The following NCOR1 variants were observed in gnomAD, a reference collection of about 807,000 sequenced individuals.
NCOR1 encodes the protein nuclear receptor corepressor 1, also known as protein phosphatase 1, regulatory subunit 109.
In NCOR1, 63 loss-of-function variants were observed where a neutral mutation model predicts 288.1. The ratio of observed to expected loss-of-function variants is 0.22; its 90% CI spans 0.18 to 0.27. NCOR1 has a LOEUF of 0.27. NCOR1 is among the 10% of genes least tolerant of loss of function. NCOR1 has a pLI of 1.00. For missense variants in NCOR1, 2,397 were observed against 3,019.2 expected (o/e 0.79, Z 4.83); for synonymous variants, 1,007 against 1,065.9 (o/e 0.94, Z 1.08).
chr17:16,103,306 G>C (rs1430198008), intron 19 of NCOR1, among the ~76,000 whole-genome samples: 2 of 152,100 alleles, frequency 1.3e-5, no homozygotes, highest in Admixed American at 6.5e-5. Flanking sequence ...AATTTCTCTT[G>C]AATCTATCCA....
intron 40 of NCOR1, among the ~76,000 whole-genome samples, chr17:16,055,520 A>G (rs1406856080): frequency 6.6e-6 from 1 of 152,172 alleles, no homozygotes; most frequent in East Asian, 1.9e-4. Context: ...ACTAGGGCCT[A>G]TTGGAGGATG....
chr17:16,067,368 C>A (rs3785628), intron 32 of NCOR1, among the ~76,000 whole-genome samples: 1 of 152,040 alleles, frequency 6.6e-6, no homozygotes, highest in East Asian at 1.9e-4. Context: ...GAATCAGGTG[C>A]GGACTAGACA....
chr17:16,047,430 C>T (rs2058798492), intron 41 of NCOR1, among the ~76,000 whole-genome samples: 1 of 152,120 alleles, frequency 6.6e-6, no homozygotes, highest in Non-Finnish European at 1.5e-5. Flanking sequence ...ACAGCACAAA[C>T]ACTGATATAT....
intron 20 of NCOR1, among the ~76,000 whole-genome samples, chr17:16,100,951 AAC>A (rs2152991397): frequency 6.6e-6 from 1 of 152,346 alleles, no homozygotes; most frequent in Non-Finnish European, 1.5e-5. Context: ...CCTCAGGCAC[AAC>A]AGTTATCTGT....
chr17:16,097,559 C>A (rs2066862719), intron 21 of NCOR1, among the ~76,000 whole-genome samples: 1 of 152,144 alleles, frequency 6.6e-6, no homozygotes, highest in African/African-American at 2.4e-5. Flanking sequence ...AGTTTCCAGG[C>A]TGGTGAACAC....
intron 19 of NCOR1, among the ~76,000 whole-genome samples, chr17:16,106,087 C>T (rs898422330): frequency 4.0e-5 from 6 of 151,848 alleles, no homozygotes; most frequent in Non-Finnish European, 5.9e-5. Flanking sequence ...GCAACAAGCG[C>T]GAGACTCCAT....
At chr17:16,155,130 T>A (rs2079513262) in intron 6 of NCOR1, among the ~76,000 whole-genome samples, 1 of 152,130 alleles carries the variant, frequency 6.6e-6, no homozygotes, top group South Asian at 2.1e-4. Context: ...GGTAGGTGGA[T>A]CACTTGAGTC....
At chr17:16,065,739 G>A (rs1253750537) in intron 32 of NCOR1, 45 bp from the exon 33 acceptor site, 1 of 1,559,254 alleles carries the variant, frequency 6.4e-7, no homozygotes, top group Middle Eastern at 1.7e-4. Context: ...TGTCCTGGCT[G>A]AAATACATTT....
chr17:16,063,797 C>T (rs903847829), intron 35 of NCOR1, among the ~76,000 whole-genome samples: 2 of 152,202 alleles, frequency 1.3e-5, no homozygotes, highest in African/African-American at 4.8e-5. Context: ...CTTGAAAGCT[C>T]TGTGACCAAT....
intron 2 of NCOR1, chr17:16,191,994 T>C (rs1046219099): frequency 6.6e-6 from 1 of 150,828 alleles, no homozygotes; most frequent in Admixed American, 6.7e-5. Flanking sequence ...GCAGGAGGAC[T>C]ACCAGGTTGC....
At chr17:16,065,113 G>T in intron 33 of NCOR1, 94 bp from the exon 34 acceptor site, 2 of 1,147,840 alleles carry the variant, frequency 1.7e-6, no homozygotes, top group Admixed American at 2.4e-5. Flanking sequence ...GTGAATCAAG[G>T]GTAATTTGTA....
chr17:16,051,172 T>G (rs2059266735), intron 40 of NCOR1, among the ~76,000 whole-genome samples: 1 of 152,216 alleles, frequency 6.6e-6, no homozygotes, highest in African/African-American at 2.4e-5. Flanking sequence ...TGCCTTTACA[T>G]AGCATACTTC....
At chr17:16,126,716 GA>G (rs1005209485) in intron 14 of NCOR1, among the ~76,000 whole-genome samples, 1 of 152,060 alleles carries the variant, frequency 6.6e-6, no homozygotes, top group African/African-American at 2.4e-5. Context: ...AAGTAATTTG[GA>G]AAAATACTAA....
rs530794033 is a variant in NCOR1, at chr17:16,030,264, G to T, written c.*2032C>A. ...TCCTTGTCATCTTCATGTTGAATAG[G>T]CTGAGGATGAGAAGGGGTTGGTCTT... On this transcript the variant is annotated 3_prime_UTR_variant, in exon 46 of 46. Coordinates refer to ENST00000268712, the MANE Select transcript of NCOR1 (RefSeq NM_006311.4). The T allele has an allele frequency of 3.5e-5, 8 of 227,912 alleles. No individual in the cohort carries two copies. The East Asian group carries it at 5.1e-4, about 15-fold the overall frequency. 14.1% of individuals were successfully genotyped at this position (227,912 alleles called of 1,614,324 possible).
chr17:16,093,593 G>A (rs2065790653), intron 21 of NCOR1, among the ~76,000 whole-genome samples: 2 of 152,158 alleles, frequency 1.3e-5, no homozygotes, highest in South Asian at 2.1e-4. Context: ...AAGCCCTAGA[G>A]GTCTGACTTT....
chr17:16,156,412 G>A (rs983529000), intron 6 of NCOR1, among the ~76,000 whole-genome samples: 5 of 150,340 alleles, frequency 3.3e-5, no homozygotes, highest in Admixed American at 6.6e-5. Context: ...CTCCAACCTC[G>A]GGGACGAAGC....
intron 4 of NCOR1, 29 bp downstream of exon 4, chr17:16,171,774 C>T: frequency 6.7e-7 from 1 of 1,501,684 alleles, no homozygotes; most frequent in Non-Finnish European, 8.9e-7. Flanking sequence ...AAACCTACAA[C>T]TCTACAGGGT....
At chr17:16,135,839 T>A (rs913674560) in intron 14 of NCOR1, among the ~76,000 whole-genome samples, 1 of 152,176 alleles carries the variant, frequency 6.6e-6, no homozygotes, top group African/African-American at 2.4e-5. Flanking sequence ...CTATATCTGG[T>A]AACCAGGGGC....
chr17:16,080,869 T>C lies in NCOR1; in HGVS notation c.3178-142A>G. 2.4e-6 allele frequency: 2 copies of C among 835,542 alleles called. 1 individual carries two copies. The highest frequency in any genetic ancestry group is 3.5e-6 in the Non-Finnish European group (2 of 565,812). 51.8% of individuals were successfully genotyped at this position (835,542 alleles called of 1,614,324 possible). A position where few individuals can be genotyped will look rare whatever the true frequency, so the allele number is the denominator to read the frequency against. ...TTCTACCCAAAACCAAGAATAGTTT[T>C]TGTAAAGCAAGAAAATCTTCATCGT... On this transcript the variant is annotated intron_variant, in intron 23 of 45. Transcript: ENST00000268712.
Sources: gnomAD v4.1 joint callset for allele counts (sites outside exome capture counted in the v4.1 genomes callset) on GRCh38, gnomAD v4.1.1 for gene constraint, MANE v1.5 for transcripts, NCBI Gene and HGNC (gene_info 2026-07-23, HGNC 2026-07-21) for gene names.